DAB1: variants seen among roughly 807,000 people sequenced by gnomAD.
The protein encoded by DAB1 is disabled homolog 1.
A neutral mutation model predicts 64.6 loss-of-function variants in DAB1; 15 were observed. That is an observed-to-expected ratio of 0.23 (90% CI 0.16 to 0.36). The LOEUF is 0.36. Ranked by LOEUF, DAB1 falls within the 10% of genes least tolerant of loss-of-function variation. The probability of loss-of-function intolerance (pLI) is 1.00; values close to 1 mark genes in which losing one functional copy is unlikely to be tolerated. For missense variants in DAB1, 596 were observed against 706.7 expected, an observed-to-expected ratio of 0.84 and a Z score of 1.78; for synonymous variants, 235 against 251.9, an observed-to-expected ratio of 0.93 and a Z score of 0.64.
At chr1:57,963,566 T>C (rs1280701628) in intron 5 of DAB1, among the ~76,000 whole-genome samples, 2 of 152,188 alleles carry the variant, frequency 1.3e-5, no homozygotes, top group East Asian at 3.9e-4. Context: ...CAAGAATTGA[T>C]CATTAAATGA....
At chr1:57,693,650 G>T (rs1646790817) in intron 6 of DAB1, among the ~76,000 whole-genome samples, 1 of 152,128 alleles carries the variant, frequency 6.6e-6, no homozygotes, top group African/African-American at 2.4e-5. Flanking sequence ...AATAAATCTT[G>T]CTGCTGCTCA....
intron 1 of DAB1, among the ~76,000 whole-genome samples, chr1:57,320,503 G>A (rs1675617484): frequency 6.6e-6 from 1 of 152,100 alleles, no homozygotes; most frequent in Non-Finnish European, 1.5e-5. Flanking sequence ...ATTCCCCCAA[G>A]TCTTGCCTAC....
chr1:57,825,293 T>C (rs942613062), downstream of DAB1, among the ~76,000 whole-genome samples: 6 of 152,182 alleles, frequency 3.9e-5, no homozygotes, highest in Non-Finnish European at 5.9e-5. Flanking sequence ...ACAGCAGATT[T>C]TGGATGCCCA....
intron 9 of DAB1, among the ~76,000 whole-genome samples, chr1:57,050,025 T>C (rs1310881010): frequency 1.3e-5 from 2 of 152,188 alleles, no homozygotes; most frequent in African/African-American, 4.8e-5. Flanking sequence ...TCCCAGTGCC[T>C]GCTGGCTCTG....
chr1:57,133,894 C>G (rs891269119), intron 4 of DAB1, among the ~76,000 whole-genome samples: 2 of 152,130 alleles, frequency 1.3e-5, no homozygotes, highest in African/African-American at 2.4e-5. Context: ...TTGAGTCAGT[C>G]CCCTGCTGGG....
chr1:57,278,308 T>C (rs1230211435), intron 2 of DAB1, among the ~76,000 whole-genome samples: 6 of 152,224 alleles, frequency 3.9e-5, no homozygotes, highest in Non-Finnish European at 5.9e-5. Flanking sequence ...TTAAAAGTTA[T>C]TGTATTCCCT....
chr1:58,497,234 A>G (rs1302002556), intron 3 of DAB1, among the ~76,000 whole-genome samples: 1 of 152,188 alleles, frequency 6.6e-6, no homozygotes, highest in Non-Finnish European at 1.5e-5. Context: ...AAACAAAACA[A>G]AAGGGAGGGG....
In DAB1 at chr1:57,635,416, G is replaced by A. The variant is rs142877114; in HGVS notation, n.625+14176C>T. On this transcript the variant is annotated intron_variant and non_coding_transcript_variant, in intron 7 of 20. Coordinates refer to the DAB1 transcript ENST00000485760. ...TCGCTTGCGTTACTGCCTGAGCTCC[G>A]CCTCCTATCAGATCAGCTATGGCCT... is the stretch of plus-strand genomic sequence containing the variant. 3.2e-4 allele frequency among the ~76,000 whole-genome samples: 49 copies of A among 152,144 alleles called. 1 individual carries two copies. Among genetic ancestry groups the A allele is most frequent in the Non-Finnish European group, 1.5e-4 (10 of 68,000 alleles).
At chr1:58,515,407 A>G (rs147579961) in intron 2 of DAB1, among the ~76,000 whole-genome samples, 187 of 152,284 alleles carry the variant, frequency 1.2e-3, no homozygotes, top group African/African-American at 4.3e-3. Flanking sequence ...TCATTTCACC[A>G]ATCAATATAA....
chr1:57,814,626 C>T (rs1651769856), intron 6 of DAB1, among the ~76,000 whole-genome samples: 1 of 152,140 alleles, frequency 6.6e-6, no homozygotes, highest in East Asian at 1.9e-4. Flanking sequence ...CAAGAGGAGG[C>T]AATTCCAACA....
chr1:57,687,036 T>C (rs1408974103), intron 6 of DAB1, among the ~76,000 whole-genome samples: 1 of 152,120 alleles, frequency 6.6e-6, no homozygotes, highest in African/African-American at 2.4e-5. Context: ...TCCTGGAAGA[T>C]TGCCAAAGCA....
At chr1:57,872,564 G>C (rs1643971232) in intron 1 of DAB1, among the ~76,000 whole-genome samples, 1 of 152,164 alleles carries the variant, frequency 6.6e-6, no homozygotes. Context: ...TGGTCACTGT[G>C]CTTGGTTCTT....
At chr1:57,554,903 C>A (rs1232766489) in intron 7 of DAB1, among the ~76,000 whole-genome samples, 2 of 152,108 alleles carry the variant, frequency 1.3e-5, no homozygotes, top group Admixed American at 1.3e-4. Flanking sequence ...CAAGGCAGAG[C>A]ATTTTGCATG....
chr1:58,322,174 G>T (rs1662699854), intron 4 of DAB1, among the ~76,000 whole-genome samples: 1 of 152,148 alleles, frequency 6.6e-6, no homozygotes, highest in Non-Finnish European at 1.5e-5. Context: ...CAAGACATAG[G>T]CATGGGCAAA....
chr1:58,112,945 C>T (rs939487504), intron 5 of DAB1, among the ~76,000 whole-genome samples: 3 of 152,144 alleles, frequency 2.0e-5, no homozygotes, highest in Non-Finnish European at 2.9e-5. Flanking sequence ...CACAATGCTT[C>T]CTGTGAGAAG....
At chr1:57,312,880 C>T (rs536740065) in intron 1 of DAB1, among the ~76,000 whole-genome samples, 9 of 152,170 alleles carry the variant, frequency 5.9e-5, no homozygotes, top group East Asian at 1.9e-4. Context: ...TCCAGGGGGA[C>T]GGTTCCACAC....
At chr1:57,710,713 C>T (rs1019706719) in intron 6 of DAB1, among the ~76,000 whole-genome samples, 1 of 151,932 alleles carries the variant, frequency 6.6e-6, no homozygotes, top group Non-Finnish European at 1.5e-5. Flanking sequence ...CTTGTGCACT[C>T]AGTCTTTCAT....
chr1:57,352,571 A>T (rs1250341841), intron 1 of DAB1, among the ~76,000 whole-genome samples: 1 of 152,156 alleles, frequency 6.6e-6, no homozygotes, highest in African/African-American at 2.4e-5. Context: ...AAGTACTATT[A>T]TCACCTCCAT....
intron 5 of DAB1, among the ~76,000 whole-genome samples, chr1:58,094,670 G>A (rs2100618655): frequency 6.6e-6 from 1 of 152,314 alleles, no homozygotes; most frequent in South Asian, 2.1e-4. Flanking sequence ...CAAAGTAAAT[G>A]TTCAAGAAAT....
Sources: gnomAD v4.1 joint callset for allele counts (sites outside exome capture counted in the v4.1 genomes callset) on GRCh38, gnomAD v4.1.1 for gene constraint, MANE v1.5 for transcripts, NCBI Gene and HGNC (gene_info 2026-07-23, HGNC 2026-07-21) for gene names.